Variants in DPYD observed in about 807,000 individuals in gnomAD.
DPYD encodes dihydropyrimidine dehydrogenase [NADP(+)].
DPYD carries 109 observed loss-of-function variants against 116.2 expected under a neutral mutation model. That is an observed-to-expected ratio of 0.94 (90% CI 0.80 to 1.10). The LOEUF is 1.10. Among genes scored for constraint, DPYD ranks in the 50% least tolerant of loss-of-function variants. The probability of loss-of-function intolerance (pLI) is 0.00; values close to 1 mark genes in which losing one functional copy is unlikely to be tolerated. For synonymous variants in DPYD, 440 were observed against 432.0 expected, an observed-to-expected ratio of 1.02 and a Z score of -0.23; for missense variants, 1,302 against 1,254.5, an observed-to-expected ratio of 1.04 and a Z score of -0.57.
At chr1:97,496,642 T>C (rs939130109) in intron 13 of DPYD, among the ~76,000 whole-genome samples, 2 of 152,056 alleles carry the variant, frequency 1.3e-5, no homozygotes, top group African/African-American at 4.8e-5. Flanking sequence ...TCATCTATAA[T>C]GTATTCTCTA....
chr1:97,271,568 C>A (rs1664584507), intron 18 of DPYD, among the ~76,000 whole-genome samples: 1 of 152,150 alleles, frequency 6.6e-6, no homozygotes, highest in Non-Finnish European at 1.5e-5. Flanking sequence ...TTAAATTCAA[C>A]CTTTTTCAAG....
At chr1:97,555,895 A>G (rs1651667453) in intron 11 of DPYD, among the ~76,000 whole-genome samples, 1 of 152,142 alleles carries the variant, frequency 6.6e-6, no homozygotes, top group Non-Finnish European at 1.5e-5. Flanking sequence ...GAGGTTTCCC[A>G]TATGTAGGTA....
intron 16 of DPYD, among the ~76,000 whole-genome samples, chr1:97,311,394 G>A (rs1290635858): frequency 6.6e-6 from 1 of 151,582 alleles, no homozygotes; most frequent in Non-Finnish European, 1.5e-5. Context: ...AATCCAAATG[G>A]CCAAAAAATT....
At chr1:97,113,421 C>T (rs371131141) in intron 20 of DPYD, among the ~76,000 whole-genome samples, 15 of 151,928 alleles carry the variant, frequency 9.9e-5, no homozygotes, top group African/African-American at 2.4e-4. Context: ...GAATCCATTT[C>T]GTAGAGGAAG....
chr1:97,195,496 T>G (rs1658689623), intron 19 of DPYD, among the ~76,000 whole-genome samples: 1 of 128,070 alleles, frequency 7.8e-6, no homozygotes, highest in African/African-American at 2.9e-5. Context: ...TACTAGGAGG[T>G]TCCAGAATGG....
At chr1:97,432,945 C>A (rs1312780175) in intron 14 of DPYD, among the ~76,000 whole-genome samples, 2 of 152,106 alleles carry the variant, frequency 1.3e-5, no homozygotes, top group African/African-American at 4.8e-5. Context: ...AATCCAGTAA[C>A]CAACTTTCTG....
chr1:97,329,447 G>A (rs1668868730), intron 16 of DPYD, among the ~76,000 whole-genome samples: 1 of 151,896 alleles, frequency 6.6e-6, no homozygotes, highest in Non-Finnish European at 1.5e-5. Context: ...AATGGGTAAG[G>A]GTAAGAAATA....
At chr1:97,635,327 A>G (rs1657499794) in intron 8 of DPYD, among the ~76,000 whole-genome samples, 1 of 152,094 alleles carries the variant, frequency 6.6e-6, no homozygotes, top group African/African-American at 2.4e-5. Context: ...TGTGAGGCAC[A>G]GTCTATTCCT....
At chr1:97,377,073 T>G (rs926763840) in intron 15 of DPYD, among the ~76,000 whole-genome samples, 1 of 151,148 alleles carries the variant, frequency 6.6e-6, no homozygotes, top group East Asian at 1.9e-4. Context: ...ATATTAAAAA[T>G]TAAAAATAAA....
chr1:97,473,629 G>A (rs1332239807), intron 13 of DPYD, among the ~76,000 whole-genome samples: 3 of 152,074 alleles, frequency 2.0e-5, no homozygotes, highest in Non-Finnish European at 4.4e-5. Flanking sequence ...AAAAGTCAAG[G>A]GACAACAAGT....
intron 14 of DPYD, among the ~76,000 whole-genome samples, chr1:97,423,005 A>G (rs1364345835): frequency 1.3e-5 from 2 of 152,104 alleles, no homozygotes; most frequent in African/African-American, 4.8e-5. Flanking sequence ...GGGGAATATC[A>G]TACATCAAGG....
chr1:97,410,094 GAAA>G (rs147971044), intron 14 of DPYD, among the ~76,000 whole-genome samples: 1 of 139,112 alleles, frequency 7.2e-6, no homozygotes, highest in East Asian at 2.2e-4. Flanking sequence ...AGAAGAAGAA[GAAA>G]AAAAAAAACT....
In DPYD at chr1:97,181,866, C is replaced by T. The variant is rs531410348; in HGVS notation, c.2622+11203G>A. Among the ~76,000 whole-genome samples, 4 of 152,172 alleles carry T rather than the reference C, an allele frequency of 2.6e-5. No homozygotes were observed. In the South Asian group the frequency reaches 8.3e-4, roughly 32 times the overall value. ...ATTGCTTACAACTACATGCTATACACTTTAGATAGAGGATTTCTCTTTTTT... is the reference window on the plus strand; with the variant it reads ...ATTGCTTACAACTACATGCTATACATTTTAGATAGAGGATTTCTCTTTTTT... On this transcript the variant is annotated intron_variant, in intron 20 of 22. Transcript: ENST00000370192.
intron 14 of DPYD, among the ~76,000 whole-genome samples, chr1:97,393,838 C>T (rs970859623): frequency 5.3e-5 from 8 of 152,114 alleles, no homozygotes; most frequent in Admixed American, 5.2e-4. Context: ...AATGGTATTT[C>T]TAGTTCTAGA....
chr1:97,826,559 T>C (rs1669254189), intron 3 of DPYD, among the ~76,000 whole-genome samples: 1 of 152,132 alleles, frequency 6.6e-6, no homozygotes, highest in African/African-American at 2.4e-5. Context: ...CAAGTAAATA[T>C]TGGCATGCAT....
intron 12 of DPYD, among the ~76,000 whole-genome samples, chr1:97,530,949 T>C (rs1298897808): frequency 1.3e-5 from 2 of 152,206 alleles, no homozygotes; most frequent in Non-Finnish European, 2.9e-5. Flanking sequence ...CCTTGCTAAT[T>C]TTTAAAATTG....
intron 5 of DPYD, among the ~76,000 whole-genome samples, chr1:97,713,252 A>T (rs1360270047): frequency 4.6e-5 from 7 of 152,122 alleles, no homozygotes; most frequent in African/African-American, 1.7e-4. Flanking sequence ...GTTGAAGCTT[A>T]AACCAACGAA....
intron 18 of DPYD, among the ~76,000 whole-genome samples, chr1:97,245,521 T>C (rs1662663458): frequency 1.3e-5 from 2 of 152,154 alleles, no homozygotes; most frequent in Admixed American, 6.6e-5. Context: ...ATTTCTCATG[T>C]GATTTTGCTT....
At chr1:97,094,192 C>G (rs951884192) in intron 21 of DPYD, among the ~76,000 whole-genome samples, 4 of 151,884 alleles carry the variant, frequency 2.6e-5, no homozygotes, top group Admixed American at 2.6e-4. Context: ...CTTCTTGGGT[C>G]AGGAAAAGCT....
Sources: gnomAD v4.1 joint callset for allele counts (sites outside exome capture counted in the v4.1 genomes callset) on GRCh38, gnomAD v4.1.1 for gene constraint, MANE v1.5 for transcripts, NCBI Gene and HGNC (gene_info 2026-07-23, HGNC 2026-07-21) for gene names.